BCHE: variants seen among roughly 807,000 people sequenced by gnomAD.
The protein encoded by BCHE is butyrylcholinesterase.
A neutral mutation model predicts 51.3 loss-of-function variants in BCHE; 48 were observed. The observed-to-expected ratio is 0.94, with a 90% CI of 0.74 to 1.19. BCHE has a LOEUF of 1.19. BCHE is among the 50% of genes most tolerant of loss of function. The pLI is 0.00. For synonymous variants in BCHE, 251 were observed against 238.0 expected (o/e 1.05, Z -0.50); for missense variants, 847 against 708.2 (o/e 1.20, Z -2.23).
At chr3:165,799,470 T>C (rs1017569024) in intron 2 of BCHE, among the ~76,000 whole-genome samples, 3 of 152,146 alleles carry the variant, frequency 2.0e-5, no homozygotes, top group Non-Finnish European at 2.9e-5. Context: ...AAATTTTAAA[T>C]ATATCTATGT....
intron 2 of BCHE, among the ~76,000 whole-genome samples, chr3:165,827,547 G>A (rs1338514574): frequency 6.6e-6 from 1 of 151,830 alleles, no homozygotes; most frequent in Admixed American, 6.6e-5. Context: ...TAACACATCT[G>A]ATTCTTTGTG....
intron 2 of BCHE, among the ~76,000 whole-genome samples, chr3:165,799,156 A>G (rs1713541365): frequency 6.6e-6 from 1 of 152,096 alleles, no homozygotes; most frequent in East Asian, 1.9e-4. Flanking sequence ...TGAAATCTTT[A>G]CAAAAATCCT....
At chr3:165,797,215 TCCTTCCCTCCTTCTTTCTTCCCTC>T (rs1173970607) in intron 2 of BCHE, among the ~76,000 whole-genome samples, 4 of 2,398 alleles carry the variant, frequency 1.7e-3, no homozygotes, top group Non-Finnish European at 2.6e-3. Context: ...CTTCCTTCCC[TCCTTCCCTCCTTCTTTCTTCCCTC>T]CCTTCCTTCC....
At chr3:165,774,112 A>C (rs560999619) in intron 3 of BCHE, among the ~76,000 whole-genome samples, 38 of 152,204 alleles carry the variant, frequency 2.5e-4, no homozygotes, top group Middle Eastern at 3.4e-3. Context: ...AATGTTTATT[A>C]TATTATATTG....
chr3:165,786,059 A>C, intron 3 of BCHE, 86 bp downstream of exon 3: 287 of 1,411,280 alleles, frequency 2.0e-4, no homozygotes, highest in Non-Finnish European at 2.5e-4. Flanking sequence ...TAGTAACTCC[A>C]TCACCGTGCC....
intron 2 of BCHE, among the ~76,000 whole-genome samples, chr3:165,804,988 A>G (rs1415522701): frequency 2.0e-5 from 3 of 152,220 alleles, no homozygotes; most frequent in Non-Finnish European, 1.5e-5. Flanking sequence ...AAAAATGTTT[A>G]CAAGATTTTT....
chr3:165,829,921 A>G lies in BCHE; in HGVS notation c.1113T>C (p.Ser371=). 1 of 1,613,248 alleles carries G rather than the reference A, an allele frequency of 6.2e-7. No homozygotes were observed. Among genetic ancestry groups the G allele is most frequent in the Non-Finnish European group, 8.5e-7 (1 of 1,179,756 alleles). ...CCTGAAATTCTTTTCTAGTTATGAT[A>G]CTATTGTTATCTTTGCTGAAGCCAG... ...GAPGFSKDNN[S]IITRKEFQEG... The change falls in exon 2 of 4, where the codon AGT becomes AGC. Residue 371 remains serine, a synonymous_variant. Coordinates refer to ENST00000264381, the MANE Select transcript of BCHE (RefSeq NM_000055.4).
At chr3:165,815,262 A>G (rs74907685) in intron 2 of BCHE, among the ~76,000 whole-genome samples, 12 of 147,400 alleles carry the variant, frequency 8.1e-5, no homozygotes, top group African/African-American at 2.7e-4. Context: ...AAAAAAAAAA[A>G]TAAGGGCAAA....
chr3:165,815,276 G>A (rs1479747914), intron 2 of BCHE, among the ~76,000 whole-genome samples: 1 of 150,674 alleles, frequency 6.6e-6, no homozygotes, highest in Non-Finnish European at 1.5e-5. Flanking sequence ...GGGCAAAGGA[G>A]ATTGAATTCT....
chr3:165,790,999 A>G (rs1713142445), intron 2 of BCHE, among the ~76,000 whole-genome samples: 1 of 152,076 alleles, frequency 6.6e-6, no homozygotes, highest in African/African-American at 2.4e-5. Context: ...GGGTTTGCAC[A>G]AAGAAAGAAC....
At chr3:165,786,068 C>G in intron 3 of BCHE, 77 bp downstream of exon 3, 1 of 1,463,490 alleles carries the variant, frequency 6.8e-7, no homozygotes, top group Non-Finnish European at 9.5e-7. Flanking sequence ...CATCACCGTG[C>G]CTTGGAGAGT....
intron 3 of BCHE, chr3:165,778,342 A>G (rs991287704): frequency 6.5e-6 from 1 of 154,802 alleles, no homozygotes; most frequent in Admixed American, 6.4e-5. Flanking sequence ...TGAAATTATT[A>G]TGTTGATGCC....
At chr3:165,826,988 G>A (rs150526355) in intron 2 of BCHE, among the ~76,000 whole-genome samples, 20 of 152,196 alleles carry the variant, frequency 1.3e-4, no homozygotes, top group African/African-American at 4.3e-4. Flanking sequence ...AATGTCATTG[G>A]TGGGTAGAAA....
chr3:165,836,469 A>T (rs937164754), intron 1 of BCHE, among the ~76,000 whole-genome samples: 4 of 151,936 alleles, frequency 2.6e-5, no homozygotes, highest in African/African-American at 9.7e-5. Context: ...AAATAAAAAT[A>T]TATAATAAAT....
Position 165,830,690 on chromosome 3 carries a change from T to A in BCHE, c.344A>T (p.Asp115Val). The A allele has an allele frequency of 6.2e-7, 1 of 1,614,014 alleles. No homozygotes were observed. The highest frequency in any genetic ancestry group is 8.5e-7 in the Non-Finnish European group (1 of 1,179,960). The change falls in exon 2 of 4, where the codon GAC becomes GTC. Residue 115 changes from aspartate (D) to valine (V), a missense_variant. Physicochemically the swap from Asp to Val is radical, Grantham distance 152. Coordinates refer to ENST00000264381, the MANE Select transcript of BCHE (RefSeq NM_000055.4). ...HGSEMWNPNT[D>V]LSEDCLYLNV... ...TAGATATAAACAGTCTTCACTGAGG[T>A]CAGTGTTTGGGTTCCACATCTCTGA...
chr3:165,785,722 G>T (rs1297454983), intron 3 of BCHE, among the ~76,000 whole-genome samples: 1 of 151,014 alleles, frequency 6.6e-6, no homozygotes, highest in Non-Finnish European at 1.5e-5. Flanking sequence ...TTAAATCAAG[G>T]TTCTATTATT....
intron 2 of BCHE, among the ~76,000 whole-genome samples, chr3:165,814,798 A>C (rs568630312): frequency 6.6e-6 from 1 of 152,016 alleles, no homozygotes; most frequent in Non-Finnish European, 1.5e-5. Context: ...AAAACAAAGC[A>C]AAACACCCAG....
intron 2 of BCHE, among the ~76,000 whole-genome samples, chr3:165,792,344 C>T (rs548989228): frequency 1.3e-5 from 2 of 151,754 alleles, no homozygotes; most frequent in East Asian, 1.9e-4. Flanking sequence ...AAAAATTACC[C>T]GGAAAAGAGT....
At chr3:165,798,766 A>G (rs1376605536) in intron 2 of BCHE, among the ~76,000 whole-genome samples, 1 of 152,066 alleles carries the variant, frequency 6.6e-6, no homozygotes, top group East Asian at 1.9e-4. Flanking sequence ...AGTTAGAAGG[A>G]TTTCTTGAGC....
Sources: allele counts gnomAD v4.1 joint callset (sites outside exome capture counted in the v4.1 genomes callset), GRCh38; gene constraint gnomAD v4.1.1; transcripts MANE v1.5; gene names NCBI Gene and HGNC (gene_info 2026-07-23, HGNC 2026-07-21).